The following TRAPPC9 variants were observed in gnomAD, a reference collection of about 807,000 sequenced individuals.
The protein encoded by TRAPPC9 is IKK2 binding protein.
In TRAPPC9, 83 loss-of-function variants were observed where a neutral mutation model predicts 124.0. That is an observed-to-expected ratio of 0.67 (90% CI 0.56 to 0.80). The LOEUF is 0.80. TRAPPC9 is among the 30% of genes least tolerant of loss of function. The pLI, the probability that TRAPPC9 is intolerant of heterozygous loss-of-function variation, is 0.00. For missense variants in TRAPPC9, 1,302 were observed against 1,508.3 expected (o/e 0.86, Z 2.27); for synonymous variants, 638 against 617.5 (o/e 1.03, Z -0.49).
chr8:139,803,163 G>T (rs1034380002), intron 21 of TRAPPC9, among the ~76,000 whole-genome samples: 1 of 151,862 alleles, frequency 6.6e-6, no homozygotes, highest in Non-Finnish European at 1.5e-5. Flanking sequence ...TGAGTGTGCT[G>T]TGTGCGCGTT....
chr8:140,238,798 T>C (rs2063785192), intron 16 of TRAPPC9, among the ~76,000 whole-genome samples: 1 of 152,228 alleles, frequency 6.6e-6, no homozygotes. Flanking sequence ...TAACTTTCCC[T>C]GCCTGATCAG....
intron 17 of TRAPPC9, among the ~76,000 whole-genome samples, chr8:140,213,907 C>T (rs773511092): frequency 8.5e-5 from 13 of 152,228 alleles, no homozygotes; most frequent in Non-Finnish European, 1.6e-4. Flanking sequence ...GAGCACACCA[C>T]GATAAATGGC....
intron 17 of TRAPPC9, among the ~76,000 whole-genome samples, chr8:140,180,963 C>G (rs1379685626): frequency 4.6e-5 from 7 of 152,096 alleles, no homozygotes; most frequent in Admixed American, 2.0e-4. Context: ...TGTACTTGTT[C>G]AATTTAAGAC....
At chr8:140,169,552 G>A (rs11784492) in intron 17 of TRAPPC9, among the ~76,000 whole-genome samples, 85,141 of 151,992 alleles carry the variant, frequency 0.56, 24,723 homozygotes, top group East Asian at 0.99. Flanking sequence ...AACAGAATGC[G>A]GATGTGGAAG....
chr8:139,966,162 T>C (rs1409559228), intron 19 of TRAPPC9, among the ~76,000 whole-genome samples: 3 of 152,244 alleles, frequency 2.0e-5, no homozygotes, highest in Admixed American at 1.3e-4. Flanking sequence ...GGCCACTGGC[T>C]TGACCATCTC....
chr8:140,232,142 T>G (rs1432393703), intron 16 of TRAPPC9, among the ~76,000 whole-genome samples: 1 of 151,866 alleles, frequency 6.6e-6, no homozygotes, highest in Non-Finnish European at 1.5e-5. Flanking sequence ...GGTCTCAAAC[T>G]CCTAGGCTCA....
chr8:140,169,907 T>A (rs1344667090), intron 17 of TRAPPC9, among the ~76,000 whole-genome samples: 8 of 152,036 alleles, frequency 5.3e-5, no homozygotes, highest in Admixed American at 5.2e-4. Context: ...TCAGCTAGTT[T>A]CTGCATTTTC....
intron 17 of TRAPPC9, among the ~76,000 whole-genome samples, chr8:140,110,126 T>C (rs1458258500): frequency 2.1e-5 from 3 of 144,788 alleles, no homozygotes; most frequent in Non-Finnish European, 4.5e-5. Context: ...CCCCTGACCC[T>C]AGACTGCCAG....
At chr8:139,889,543 G>A (rs1230138207) in intron 20 of TRAPPC9, among the ~76,000 whole-genome samples, 1 of 152,176 alleles carries the variant, frequency 6.6e-6, no homozygotes, top group African/African-American at 2.4e-5. Flanking sequence ...TTGGGAAGGT[G>A]AAAAAGTTCG....
intron 17 of TRAPPC9, among the ~76,000 whole-genome samples, chr8:140,145,598 C>T (rs1239890975): frequency 6.6e-6 from 1 of 152,206 alleles, no homozygotes; most frequent in African/African-American, 2.4e-5. Flanking sequence ...TGCTGTAGAA[C>T]CATCTTTGCA....
At chr8:140,170,096 T>C (rs1472286201) in intron 17 of TRAPPC9, among the ~76,000 whole-genome samples, 1 of 152,212 alleles carries the variant, frequency 6.6e-6, no homozygotes. Flanking sequence ...ATAAAATTAT[T>C]ATATAAATGT....
intron 17 of TRAPPC9, among the ~76,000 whole-genome samples, chr8:140,184,126 A>G: frequency 6.6e-6 from 1 of 152,100 alleles, no homozygotes; most frequent in East Asian, 1.9e-4. Context: ...GCTGACAAGA[A>G]AGCAGGACAG....
At chr8:139,753,957 C>T (rs917035955) in intron 21 of TRAPPC9, among the ~76,000 whole-genome samples, 3 of 152,244 alleles carry the variant, frequency 2.0e-5, no homozygotes, top group Non-Finnish European at 2.9e-5. Context: ...CCCAATCCTG[C>T]TCCTTGGCAC....
chr8:139,826,517 C>T (rs562036489), intron 21 of TRAPPC9, among the ~76,000 whole-genome samples: 3 of 152,256 alleles, frequency 2.0e-5, no homozygotes, highest in Non-Finnish European at 2.9e-5. Context: ...ACCAAATAAA[C>T]GCACAACTGA....
intron 17 of TRAPPC9, among the ~76,000 whole-genome samples, chr8:140,086,651 G>T (rs984048965): frequency 6.6e-6 from 1 of 152,164 alleles, no homozygotes; most frequent in African/African-American, 2.4e-5. Context: ...GCCAGGCGTG[G>T]TGGCTCATGC....
At chr8:140,356,525 G>C (rs551315471) in intron 9 of TRAPPC9, among the ~76,000 whole-genome samples, 1 of 151,738 alleles carries the variant, frequency 6.6e-6, no homozygotes. Flanking sequence ...ATGCCCTTGA[G>C]AAATACAAAC....
intron 9 of TRAPPC9, among the ~76,000 whole-genome samples, chr8:140,349,360 A>AGGGGGCCGAAGG (rs1563964605): frequency 0.048 from 4,120 of 85,012 alleles, 149 homozygotes; most frequent in Non-Finnish European, 0.056. Flanking sequence ...GCGCGAGGGA[A>AGGGGGCCGAAGG]GGGCGCGCGA....
At chr8:139,985,636 C>T (rs968211646) in intron 19 of TRAPPC9, among the ~76,000 whole-genome samples, 3 of 152,156 alleles carry the variant, frequency 2.0e-5, no homozygotes, top group African/African-American at 7.2e-5. Flanking sequence ...CTCTCAAAGG[C>T]AGGCCATAAA....
intron 16 of TRAPPC9, among the ~76,000 whole-genome samples, chr8:140,236,397 C>T (rs939459845): frequency 1.3e-5 from 2 of 152,098 alleles, no homozygotes; most frequent in Non-Finnish European, 2.9e-5. Context: ...ATTTCTTCTA[C>T]ACGGAATTTA....
Sources: allele counts gnomAD v4.1 joint callset (sites outside exome capture counted in the v4.1 genomes callset), GRCh38; gene constraint gnomAD v4.1.1; transcripts MANE v1.5; gene names NCBI Gene and HGNC (gene_info 2026-07-23, HGNC 2026-07-21).